Variants in TUBAL3 observed in about 807,000 individuals in gnomAD.
The protein encoded by TUBAL3 is tubulin alpha like 3, also known as tubulin alpha chain-like 3.
TUBAL3 carries 16 observed loss-of-function variants against 15.5 expected under a neutral mutation model. The observed-to-expected ratio is 1.04, with a 90% CI of 0.70 to 1.57. The LOEUF (loss-of-function observed/expected upper bound fraction) is 1.57. TUBAL3 is among the 40% of genes most tolerant of loss of function. The pLI, the probability that TUBAL3 is intolerant of heterozygous loss-of-function variation, is 0.00. For missense variants in TUBAL3, 609 were observed against 576.2 expected, an observed-to-expected ratio of 1.06 and a Z score of -0.58; for synonymous variants, 238 against 224.3, an observed-to-expected ratio of 1.06 and a Z score of -0.55.
At chr10:5,399,212 C>A (rs1831810534) in intron 2 of TUBAL3, among the ~76,000 whole-genome samples, 1 of 152,138 alleles carries the variant, frequency 6.6e-6, no homozygotes, top group African/African-American at 2.4e-5. Flanking sequence ...AGGAAAATAC[C>A]TGTGCAGTTC....
At position 5,395,304 on chromosome 10, in the gene TUBAL3, G is replaced by A. The variant is rs201924818; in HGVS notation, c.396+23C>T. 2.6e-5 allele frequency: 39 copies of A among 1,483,596 alleles called. No individual in the cohort carries two copies. The South Asian group carries it at 2.9e-4, about 11-fold the overall frequency. The allele number at this position is 1,483,596 out of a possible 1,614,324, so 91.9% of individuals were successfully genotyped here. On this transcript the variant is annotated intron_variant, in intron 3 of 3. Transcript: ENST00000380419. The surrounding 1 kb of genome is among the most constrained non-coding windows in gnomAD (Gnocchi z 4.6). The stretch of plus-strand genomic sequence containing the variant: ...CACATGCCCCAGGCACAGCCCACTC[G>A]GAGGAGAGGGGGAGCCACTTGCCAG...
In TUBAL3 at chr10:5,395,659, T is replaced by G. The variant is rs1287069289; in HGVS notation, c.248-184A>C. On this transcript the variant is annotated intron_variant, in intron 2 of 3. Coordinates refer to ENST00000380419, the MANE Select transcript of TUBAL3 (RefSeq NM_024803.3). The surrounding 1 kb of genome is among the most constrained non-coding windows in gnomAD (Gnocchi z 4.6). ...TTAGTCCAGGAGAAGTGGAATTTTT[T>G]ACATATACATGGAAAGTATGTTTTT... Among the ~76,000 whole-genome samples the G allele has an allele frequency of 6.6e-6, 1 of 152,226 alleles. No individual in the cohort carries two copies. The highest frequency in any genetic ancestry group is 1.5e-5 in the Non-Finnish European group (1 of 68,034).
Position 5,394,371 on chromosome 10 carries a change from T to G in TUBAL3, c.487A>C (p.Arg163=), listed in dbSNP as rs150901428. The change falls in exon 4 of 4, where the codon AGG becomes CGG. Residue 163 remains arginine, a synonymous_variant. Transcript: ENST00000380419. This position sits in a 1 kb window ranked among gnomAD's most constrained non-coding sequence, Gnocchi z 4.3. ...GSGFTSLLME[R]LTGEYSRKTK... The stretch of plus-strand genomic sequence containing the variant: ...TTTCTGCTATATTCTCCTGTGAGCC[T>G]CTCCATTAAGAGAGACGTAAACCCT... The G allele has an allele frequency of 2.0e-5, 33 of 1,614,088 alleles. No individual in the cohort carries two copies. In the African/African-American group the frequency reaches 4.0e-4, roughly 20 times the overall value.
intron 1 of TUBAL3, among the ~76,000 whole-genome samples, chr10:5,402,929 A>G (rs1831878733): frequency 6.6e-6 from 1 of 152,236 alleles, no homozygotes; most frequent in South Asian, 2.1e-4. Context: ...ACTGGTCTAC[A>G]CAGACCACTA....
At position 5,394,396 on chromosome 10, in the gene TUBAL3, T is replaced by A. The variant is rs782416624; in HGVS notation, c.462A>T (p.Ser154=). 5 of 1,614,066 alleles carry A rather than the reference T, an allele frequency of 3.1e-6. No individual in the cohort carries two copies. The South Asian group carries it at 5.5e-5, about 18-fold the overall frequency. The change falls in exon 4 of 4, where the codon TCA becomes TCT. Residue 154 remains serine, a synonymous_variant. Coordinates refer to ENST00000380419, the MANE Select transcript of TUBAL3 (RefSeq NM_024803.3). The surrounding 1 kb of genome is among the most constrained non-coding windows in gnomAD (Gnocchi z 4.3). ...TCTCCATTAAGAGAGACGTAAACCC[T>A]GAACCAGTGCCTCCTCCAAAGCTTC... is the stretch of plus-strand genomic sequence containing the variant. ...IFRSFGGGTG[S]GFTSLLMERL...
intron 2 of TUBAL3, among the ~76,000 whole-genome samples, chr10:5,398,743 T>C (rs1554814386): frequency 8.5e-6 from 1 of 118,036 alleles, no homozygotes; most frequent in Non-Finnish European, 1.8e-5. Context: ...CTTAAAACAT[T>C]ATGAGATCGT....
intron 1 of TUBAL3, among the ~76,000 whole-genome samples, chr10:5,404,153 G>T (rs1831898218): frequency 6.6e-6 from 1 of 152,030 alleles, no homozygotes; most frequent in African/African-American, 2.4e-5. Context: ...AGACCAATGG[G>T]GTGAGAAATC....
Position 5,393,364 on chromosome 10 carries a change from C to T in TUBAL3, c.*153G>A, listed in dbSNP as rs1246725213. ...GGAAATAATGTGTTCATTGTTGGTACTGACCCACTTAATTTAGTGTGGAAC... is the reference window on the plus strand; with the variant it reads ...GGAAATAATGTGTTCATTGTTGGTATTGACCCACTTAATTTAGTGTGGAAC... On this transcript the variant is annotated 3_prime_UTR_variant, in exon 4 of 4. Coordinates refer to ENST00000380419, the MANE Select transcript of TUBAL3 (RefSeq NM_024803.3). The T allele has an allele frequency of 1.5e-6, 1 of 648,372 alleles. No homozygotes were observed. The highest frequency in any genetic ancestry group is 2.6e-6 in the Non-Finnish European group (1 of 383,468). The allele number at this position is 648,372 out of a possible 1,614,324, so 40.2% of individuals were successfully genotyped here.
rs560849745 is a variant in TUBAL3, at chr10:5,394,109, C to A, written c.749G>T (p.Arg250Leu). 11 of 1,614,186 alleles carry A rather than the reference C, an allele frequency of 6.8e-6. No homozygotes were observed. Among genetic ancestry groups the A allele is most frequent in the Non-Finnish European group, 9.3e-6 (11 of 1,180,038 alleles). ...QVVSSITASL[R>L]FEGPLNVDLI... is the part of the protein sequence containing the mutation. ...GTCTACATTCAAGGGCCCTTCAAAC[C>A]GGAGGGAGGCAGTGATGGAAGATAC... is the stretch of plus-strand genomic sequence containing the variant. The change falls in exon 4 of 4, where the codon CGG becomes CTG. Residue 250 changes from arginine (R) to leucine (L), a missense_variant. Coordinates refer to ENST00000380419, the MANE Select transcript of TUBAL3 (RefSeq NM_024803.3). The surrounding 1 kb of genome is among the most constrained non-coding windows in gnomAD (Gnocchi z 4.3).
rs1318636718 is a variant in TUBAL3 at position 5,394,998 on chromosome 10, G to GA, written c.396+328dup. 2.4e-4 allele frequency among the ~76,000 whole-genome samples: 36 copies of GA among 152,276 alleles called. No individual in the cohort carries two copies. The highest frequency in any genetic ancestry group is 7.2e-4 in the African/African-American group (30 of 41,552). On this transcript the variant is annotated intron_variant, in intron 3 of 3. Transcript: ENST00000380419. The surrounding 1 kb of genome is among the most constrained non-coding windows in gnomAD (Gnocchi z 4.3). ...ACTTCATAAACATCAGTTACTCTTG[G>GA]AAAATGACAGGTTACTCTTGGAAAG...
intron 1 of TUBAL3, among the ~76,000 whole-genome samples, chr10:5,404,559 T>C (rs1346090933): frequency 6.6e-6 from 1 of 152,216 alleles, no homozygotes; most frequent in Non-Finnish European, 1.5e-5. Context: ...AGTGAGCTAC[T>C]GCAAATCAAC....
chr10:5,398,469 T>C (rs1482862369), intron 2 of TUBAL3, among the ~76,000 whole-genome samples: 2 of 146,644 alleles, frequency 1.4e-5, no homozygotes, highest in Non-Finnish European at 3.0e-5. Context: ...TGTAGTGACA[T>C]GTGCCTGTAG....
At chr10:5,402,334 G>C (rs7476136) in intron 1 of TUBAL3, among the ~76,000 whole-genome samples, 1 of 152,134 alleles carries the variant, frequency 6.6e-6, no homozygotes, top group African/African-American at 2.4e-5. Flanking sequence ...TAAGAAATCT[G>C]AGGTGATAGC....
chr10:5,393,944 G>T lies in TUBAL3; in HGVS notation c.914C>A (p.Ser305Tyr). ...VSDITTACFE[S>Y]SNQLVKCDPR... ...ATCACACTTGACCAGCTGGTTGGAGGACTCAAAGCAGGCAGTGGTGATGTC... is the reference window on the plus strand; with the variant it reads ...ATCACACTTGACCAGCTGGTTGGAGTACTCAAAGCAGGCAGTGGTGATGTC... Residue 305 changes from serine (S) to tyrosine (Y), a missense_variant, in exon 4 of 4, where the codon TCC (serine) becomes TAC (tyrosine). Coordinates refer to ENST00000380419, the MANE Select transcript of TUBAL3 (RefSeq NM_024803.3). 6.2e-7 allele frequency: 1 copy of T among 1,614,192 alleles called. No individual in the cohort carries two copies. The highest frequency in any genetic ancestry group is 1.6e-4 in the Middle Eastern group (1 of 6,062).
At position 5,394,392 on chromosome 10, in the gene TUBAL3, A is replaced by G. The variant is rs553199385; in HGVS notation, c.466T>C (p.Phe156Leu). The change falls in exon 4 of 4, where the codon TTT (phenylalanine) becomes CTT (leucine). Residue 156 changes from phenylalanine (F) to leucine (L), a missense_variant. Physicochemically the swap from Phe to Leu is conservative, Grantham distance 22. Coordinates refer to ENST00000380419, the MANE Select transcript of TUBAL3 (RefSeq NM_024803.3). The surrounding 1 kb of genome is among the most constrained non-coding windows in gnomAD (Gnocchi z 4.3). ...RSFGGGTGSG[F>L]TSLLMERLTG... ...AGCCTCTCCATTAAGAGAGACGTAAACCCTGAACCAGTGCCTCCTCCAAAG... is the reference window on the plus strand; with the variant it reads ...AGCCTCTCCATTAAGAGAGACGTAAGCCCTGAACCAGTGCCTCCTCCAAAG... The G allele has an allele frequency of 1.1e-5, 18 of 1,614,082 alleles. No individual in the cohort carries two copies. In the African/African-American group the frequency reaches 2.0e-4, roughly 18 times the overall value.
At chr10:5,400,816 G>C (rs1554814560) in intron 2 of TUBAL3, 28 bp downstream of exon 2, 1 of 1,612,782 alleles carries the variant, frequency 6.2e-7, no homozygotes, top group Non-Finnish European at 8.5e-7. Flanking sequence ...CTCCAGTTAA[G>C]TATGCTAGAA....
chr10:5,401,233 C>T, intron 1 of TUBAL3, 146 bp from the exon 2 acceptor site: 3 of 1,001,872 alleles, frequency 3.0e-6, no homozygotes, highest in Non-Finnish European at 4.3e-6. Context: ...AAAAGCGTTT[C>T]ATGGAAACCA....
intron 2 of TUBAL3, among the ~76,000 whole-genome samples, chr10:5,399,147 A>G (rs1244243141): frequency 6.6e-6 from 1 of 152,206 alleles, no homozygotes; most frequent in Non-Finnish European, 1.5e-5. Context: ...AAAGTTCCTC[A>G]TCTATAAATT....
At chr10:5,404,693 G>A (rs980266111) in intron 1 of TUBAL3, 97 bp downstream of exon 1, 2 of 1,259,214 alleles carry the variant, frequency 1.6e-6, no homozygotes, top group Admixed American at 1.9e-5. Context: ...GTCTTCTCTT[G>A]CATTACAATT....
Sources: gnomAD v4.1 joint callset for allele counts (sites outside exome capture counted in the v4.1 genomes callset) on GRCh38, gnomAD v4.1.1 for gene constraint, Gnocchi (gnomAD v3.1) non-coding constraint, MANE v1.5 for transcripts, NCBI Gene and HGNC (gene_info 2026-07-23, HGNC 2026-07-21) for gene names.